SELENOV: variants seen among roughly 807,000 people sequenced by gnomAD.
SELENOV encodes the protein selenoprotein V.
A neutral mutation model predicts 21.6 loss-of-function variants in SELENOV; 25 were observed. The ratio of observed to expected loss-of-function variants is 1.16; its 90% CI spans 0.84 to 1.62. The LOEUF (loss-of-function observed/expected upper bound fraction) is 1.62. Among genes scored for constraint, SELENOV ranks in the 40% most tolerant of loss-of-function variants. The pLI is 0.00. For missense variants in SELENOV, 472 were observed against 459.0 expected, an observed-to-expected ratio of 1.03 and a Z score of -0.26; for synonymous variants, 227 against 216.9, an observed-to-expected ratio of 1.05 and a Z score of -0.41.
intron 5 of SELENOV, among the ~76,000 whole-genome samples, chr19:39,519,490 T>TAAATA (rs368360069): frequency 4.0e-5 from 6 of 151,022 alleles, no homozygotes; most frequent in African/African-American, 1.2e-4. Context: ...CTACAAAAAA[T>TAAATA]AATAAATAAA....
chr19:39,517,964 C>CAAAAAAAAAAAAAA lies in SELENOV; in HGVS notation c.810-630_810-617dup, dbSNP rs56157115. On this transcript the variant is annotated intron_variant, in intron 1 of 5. Transcript: ENST00000335426. Reference sequence around the variant, plus strand: ...TGGGCGACAGAGCAAGACTCTGTCTCAAAAAAAAAAAAAAAAAAAAAAAAA... The same window carrying CAAAAAAAAAAAAAA: ...TGGGCGACAGAGCAAGACTCTGTCTCAAAAAAAAAAAAAAAAAAAAAAAAAAAAAAAAAAAAAAA... Among the ~76,000 whole-genome samples, 55 of 12,370 alleles carry CAAAAAAAAAAAAAA rather than the reference C, an allele frequency of 4.4e-3. 15 individuals carry two copies. The highest frequency in any genetic ancestry group is 4.6e-3 in the Non-Finnish European group (32 of 7,020). 8.1% of individuals were successfully genotyped at this position (12,370 alleles called of 152,430 possible). A position where few individuals can be genotyped will look rare whatever the true frequency, so the allele number is the denominator to read the frequency against.
chr19:39,519,324 C>A (rs1393056140), intron 5 of SELENOV, among the ~76,000 whole-genome samples, 154 bp downstream of exon 5: 1 of 151,790 alleles, frequency 6.6e-6, no homozygotes, highest in African/African-American at 2.4e-5. Flanking sequence ...CCTCAGTTGC[C>A]TCATCTGTAA....
chr19:39,516,933 G>A (rs1199502360), intron 1 of SELENOV, among the ~76,000 whole-genome samples: 1 of 151,946 alleles, frequency 6.6e-6, no homozygotes, highest in African/African-American at 2.4e-5. Context: ...TTCTGACCTC[G>A]TGATCCACCC....
intron 5 of SELENOV, among the ~76,000 whole-genome samples, chr19:39,519,822 A>G (rs934133602): frequency 6.6e-6 from 1 of 151,948 alleles, no homozygotes; most frequent in Non-Finnish European, 1.5e-5. Flanking sequence ...AAAATTAGCC[A>G]GGCGTGGTGG....
chr19:39,515,132 G>T lies in SELENOV; in HGVS notation c.-81G>T. The T allele has an allele frequency of 1.1e-6, 1 of 881,140 alleles. No homozygotes were observed. The highest frequency in any genetic ancestry group is 1.7e-6 in the Non-Finnish European group (1 of 574,304). 54.6% of individuals were successfully genotyped at this position (881,140 alleles called of 1,614,324 possible). A position where few individuals can be genotyped will look rare whatever the true frequency, so the allele number is the denominator to read the frequency against. ...TGGTCGCGCCGCGTCTCAGAACCCGGTGCGGGAGACGCTCTCCCCGCCCAA... is the reference window on the plus strand; with the variant it reads ...TGGTCGCGCCGCGTCTCAGAACCCGTTGCGGGAGACGCTCTCCCCGCCCAA... On this transcript the variant is annotated 5_prime_UTR_variant, in exon 1 of 6. Transcript: ENST00000335426. This position sits in a 1 kb window ranked among gnomAD's most constrained non-coding sequence, Gnocchi z 5.1.
chr19:39,517,330 G>A (rs540115521), intron 1 of SELENOV, among the ~76,000 whole-genome samples: 1 of 152,076 alleles, frequency 6.6e-6, no homozygotes, highest in African/African-American at 2.4e-5. Flanking sequence ...CACCCACCAT[G>A]TTCCAGGTCC....
rs1365674587 is a variant in SELENOV, at chr19:39,515,958, C to A, written c.746C>A (p.Thr249Asn). ...ATCTCCTTACAGAATTGTACGGAAA[C>A]CTTCCCCTCCTCCAGCGAGAACTTC... Residue 249 changes from threonine (T) to asparagine (N), a missense_variant, in exon 1 of 6, where the codon ACC becomes AAC. Coordinates refer to ENST00000335426, the Ensembl canonical transcript of SELENOV. The surrounding 1 kb of genome is among the most constrained non-coding windows in gnomAD (Gnocchi z 5.1). 2 of 1,608,366 alleles carry A rather than the reference C, an allele frequency of 1.2e-6. No homozygotes were observed. Among genetic ancestry groups the A allele is most frequent in the Middle Eastern group, 1.7e-4 (1 of 6,056 alleles).
chr19:39,515,835 A>G lies in SELENOV; in HGVS notation c.623A>G (p.Asp208Gly). ...GCGAACTCACCCGGGCCCACCCTGGACTTCACCTTCAGGGCAGACCCGTCG... is the reference window on the plus strand; with the variant it reads ...GCGAACTCACCCGGGCCCACCCTGGGCTTCACCTTCAGGGCAGACCCGTCG... Residue 208 changes from aspartate to glycine, a missense_variant, in exon 1 of 6, where the codon GAC (aspartate) becomes GGC (glycine). Asp to Gly is a moderately conservative substitution (Grantham distance 94). Transcript: ENST00000335426. This position sits in a 1 kb window ranked among gnomAD's most constrained non-coding sequence, Gnocchi z 5.1. The G allele has an allele frequency of 6.4e-7, 1 of 1,551,158 alleles. No individual in the cohort carries two copies. The highest frequency in any genetic ancestry group is 8.7e-7 in the Non-Finnish European group (1 of 1,147,264).
chr19:39,518,386 A>G (rs1846401246), intron 1 of SELENOV: 2 of 600,570 alleles, frequency 3.3e-6, no homozygotes, highest in African/African-American at 3.7e-5. Context: ...GTGGGAGAAG[A>G]TGGAGACAGA....
chr19:39,516,515 ACTCT>A (rs567543593), intron 1 of SELENOV, among the ~76,000 whole-genome samples: 58 of 143,376 alleles, frequency 4.0e-4, no homozygotes, highest in African/African-American at 1.5e-3. Flanking sequence ...TCCCCACCTC[ACTCT>A]CTCTCTCTTT....
Position 39,515,574 on chromosome 19 carries a change from G to A in SELENOV, c.362G>A (p.Arg121Gln), listed in dbSNP as rs2079691281. Residue 121 changes from arginine to glutamine, a missense_variant, in exon 1 of 6, where the codon CGG (arginine) becomes CAG (glutamine). By Grantham distance (43) the Arg-to-Gln change is conservative (BLOSUM62 1). Coordinates refer to ENST00000335426, the Ensembl canonical transcript of SELENOV. This position sits in a 1 kb window ranked among gnomAD's most constrained non-coding sequence, Gnocchi z 5.1. ...GCTCGGACCCTGACTCCTCCAGTCCGGGTCCCAGCCCCAGCCCCAGCCCAG... is the reference window on the plus strand; with the variant it reads ...GCTCGGACCCTGACTCCTCCAGTCCAGGTCCCAGCCCCAGCCCCAGCCCAG... The A allele has an allele frequency of 6.5e-7, 1 of 1,549,116 alleles. No homozygotes were observed. The highest frequency in any genetic ancestry group is 8.7e-7 in the Non-Finnish European group (1 of 1,146,872).
chr19:39,518,286 CAAAAAAACAAAAA>C (rs947675228), intron 1 of SELENOV, among the ~76,000 whole-genome samples: 1 of 112,148 alleles, frequency 8.9e-6, no homozygotes, highest in African/African-American at 3.9e-5. Flanking sequence ...AACAAAAAAA[CAAAAAAACAAAAA>C]AAAAAGAGAG....
At chr19:39,518,132 G>A (rs570023126) in intron 1 of SELENOV, among the ~76,000 whole-genome samples, 7 of 151,520 alleles carry the variant, frequency 4.6e-5, no homozygotes, top group Non-Finnish European at 8.8e-5. Context: ...TTACCCGGGC[G>A]TGGTGGTGGG....
chr19:39,516,615 C>A (rs2079698234), intron 1 of SELENOV, among the ~76,000 whole-genome samples: 1 of 152,104 alleles, frequency 6.6e-6, no homozygotes, highest in Non-Finnish European at 1.5e-5. Flanking sequence ...GCAGCCTCGA[C>A]CTCCAGGGCT....
At chr19:39,518,286 CAAAAAAACA>C (rs148888807) in intron 1 of SELENOV, among the ~76,000 whole-genome samples, 30,293 of 112,322 alleles carry the variant, frequency 0.27, 3,671 homozygotes, top group East Asian at 0.4. Context: ...AACAAAAAAA[CAAAAAAACA>C]AAAAAAAAAG....
intron 1 of SELENOV, 118 bp from the exon 2 acceptor site, chr19:39,518,490 A>AG (rs1231161528): frequency 9.9e-7 from 1 of 1,013,986 alleles, no homozygotes; most frequent in Admixed American, 2.0e-5. Context: ...GATTCTGAAC[A>AG]GGGGAGGAAC....
In SELENOV at chr19:39,515,470, G is replaced by C. The variant is rs1193941642; in HGVS notation, c.258G>C (p.Pro86=). 1.3e-6 allele frequency: 2 copies of C among 1,551,028 alleles called. No homozygotes were observed. The highest frequency in any genetic ancestry group is 2.7e-5 in the African/African-American group (2 of 72,918). The change falls in exon 1 of 6, where the codon CCG becomes CCC. Residue 86 remains proline, a synonymous_variant. Coordinates refer to ENST00000335426, the Ensembl canonical transcript of SELENOV. The surrounding 1 kb of genome is among the most constrained non-coding windows in gnomAD (Gnocchi z 5.1). ...TGGCCCGGATCCCCCGTCTGGTTCC[G>C]CCTCCTGCTCCGGCCTGGATCCCTA...
intron 1 of SELENOV, chr19:39,518,343 G>A: frequency 5.6e-6 from 3 of 531,606 alleles, no homozygotes; most frequent in Non-Finnish European, 1.0e-5. Flanking sequence ...AGGGGCTTCT[G>A]TGGCTGGCAC....
At position 39,515,714 on chromosome 19, in the gene SELENOV, G is replaced by T. The variant is rs1008025699; in HGVS notation, c.502G>T (p.Asp168Tyr). ...GGAGCTGCCTTTGTTGCCCGAGGAGGACCCTGAGCCGGCGCCGAGCCTGAA... is the reference window on the plus strand; with the variant it reads ...GGAGCTGCCTTTGTTGCCCGAGGAGTACCCTGAGCCGGCGCCGAGCCTGAA... The change falls in exon 1 of 6, where the codon GAC becomes TAC. Residue 168 changes from aspartate (D) to tyrosine (Y), a missense_variant. By Grantham distance (160) the Asp-to-Tyr change is radical (BLOSUM62 -3). Coordinates refer to ENST00000335426, the Ensembl canonical transcript of SELENOV. This position sits in a 1 kb window ranked among gnomAD's most constrained non-coding sequence, Gnocchi z 5.1. 27 of 1,549,290 alleles carry T rather than the reference G, an allele frequency of 1.7e-5. No individual in the cohort carries two copies. In the Admixed American group the frequency reaches 2.6e-4, roughly 15 times the overall value.
Sources: gnomAD v4.1 joint callset for allele counts (sites outside exome capture counted in the v4.1 genomes callset) on GRCh38, gnomAD v4.1.1 for gene constraint, Gnocchi (gnomAD v3.1) non-coding constraint, MANE v1.5 for transcripts, NCBI Gene and HGNC (gene_info 2026-07-23, HGNC 2026-07-21) for gene names.